Variants in WDFY3 observed in about 807,000 individuals in gnomAD.
The protein encoded by WDFY3 is WD repeat and FYVE domain-containing protein 3.
WDFY3 carries 66 observed loss-of-function variants against 409.6 expected under a neutral mutation model. The ratio of observed to expected loss-of-function variants is 0.16; its 90% CI spans 0.13 to 0.20. WDFY3 has a LOEUF of 0.20. Ranked by LOEUF, WDFY3 falls within the 10% of genes least tolerant of loss-of-function variation. The pLI, the probability that WDFY3 is intolerant of heterozygous loss-of-function variation, is 1.00. For missense variants in WDFY3, 3,031 were observed against 4,298.1 expected, an observed-to-expected ratio of 0.71 and a Z score of 8.24; for synonymous variants, 1,521 against 1,537.1, an observed-to-expected ratio of 0.99 and a Z score of 0.25.
At chr4:84,801,600 G>A in intron 17 of WDFY3, 50 bp downstream of exon 17, 1 of 1,544,442 alleles carries the variant, frequency 6.5e-7, no homozygotes, top group East Asian at 2.3e-5. Flanking sequence ...AAGGACTCTA[G>A]AAACTGACAT....
intron 1 of WDFY3, among the ~76,000 whole-genome samples, chr4:84,952,535 C>T (rs1377073919): frequency 1.3e-5 from 2 of 152,020 alleles, no homozygotes; most frequent in Non-Finnish European, 2.9e-5. Context: ...CTTTTTCTTG[C>T]TTTCCTCTCA....
chr4:84,906,303 G>A (rs1017642853), intron 2 of WDFY3, among the ~76,000 whole-genome samples: 36 of 152,072 alleles, frequency 2.4e-4, no homozygotes, highest in African/African-American at 8.7e-4. Flanking sequence ...AAAGACCTAT[G>A]ACAAACCTCA....
intron 2 of WDFY3, among the ~76,000 whole-genome samples, chr4:84,905,824 C>T (rs1288809881): frequency 6.6e-6 from 1 of 152,206 alleles, no homozygotes; most frequent in Non-Finnish European, 1.5e-5. Flanking sequence ...ATTCCTCATA[C>T]ACCAACTGTT....
At chr4:84,714,947 C>T (rs1733594376) in intron 50 of WDFY3, among the ~76,000 whole-genome samples, 2 of 136,140 alleles carry the variant, frequency 1.5e-5, no homozygotes, top group Middle Eastern at 3.9e-3. Flanking sequence ...GAGACTCCGT[C>T]TCAAAAAAAA....
At chr4:84,725,284 A>C (rs916681744) in intron 45 of WDFY3, among the ~76,000 whole-genome samples, 2 of 152,170 alleles carry the variant, frequency 1.3e-5, no homozygotes, top group African/African-American at 4.8e-5. Flanking sequence ...ATCCATAACT[A>C]ACTCAACTAA....
At chr4:84,748,944 T>C (rs1166182691) in intron 36 of WDFY3, among the ~76,000 whole-genome samples, 1 of 151,928 alleles carries the variant, frequency 6.6e-6, no homozygotes, top group Admixed American at 6.6e-5. Flanking sequence ...TGCATTGGAA[T>C]GCAGTGGTGT....
chr4:84,854,808 C>T (rs1001838273), intron 4 of WDFY3, among the ~76,000 whole-genome samples: 1 of 152,154 alleles, frequency 6.6e-6, no homozygotes, highest in African/African-American at 2.4e-5. Flanking sequence ...ACTTGGGAGG[C>T]TGAGGCATAA....
chr4:84,706,664 G>C (rs555111371), intron 53 of WDFY3, among the ~76,000 whole-genome samples: 1 of 152,212 alleles, frequency 6.6e-6, no homozygotes, highest in South Asian at 2.1e-4. Context: ...GCTGGTACTT[G>C]AGTGCCTCCT....
chr4:84,882,173 G>C (rs1373435713), intron 3 of WDFY3, among the ~76,000 whole-genome samples: 2 of 152,048 alleles, frequency 1.3e-5, no homozygotes, highest in Admixed American at 1.3e-4. Flanking sequence ...AACAAGCACT[G>C]AGTATCCACA....
At chr4:84,813,643 G>A (rs1203470241) in intron 13 of WDFY3, among the ~76,000 whole-genome samples, 1 of 152,056 alleles carries the variant, frequency 6.6e-6, no homozygotes, top group Non-Finnish European at 1.5e-5. Context: ...CTTCCAGCCT[G>A]AGAATCAGTT....
intron 48 of WDFY3, among the ~76,000 whole-genome samples, chr4:84,717,911 G>A (rs1734207303): frequency 6.6e-6 from 1 of 151,792 alleles, no homozygotes; most frequent in African/African-American, 2.4e-5. Context: ...AGCCTGGCGT[G>A]GTGGCGGGCG....
intron 35 of WDFY3, among the ~76,000 whole-genome samples, chr4:84,752,151 TA>T (rs77809291): frequency 7.4e-5 from 11 of 148,878 alleles, no homozygotes; most frequent in South Asian, 2.1e-4. Flanking sequence ...CAAATAAATT[TA>T]AAAAAAAAAC....
intron 47 of WDFY3, among the ~76,000 whole-genome samples, chr4:84,720,035 G>A (rs1734587414): frequency 6.6e-6 from 1 of 152,156 alleles, no homozygotes; most frequent in Non-Finnish European, 1.5e-5. Flanking sequence ...TGATATTCAT[G>A]ACACATTCAA....
chr4:84,947,904 A>C (rs1215347985), intron 1 of WDFY3, among the ~76,000 whole-genome samples: 1 of 151,990 alleles, frequency 6.6e-6, no homozygotes, highest in Non-Finnish European at 1.5e-5. Context: ...ATAAATAAAT[A>C]AATAAATAAA....
chr4:84,768,905 A>G (rs1301202068), intron 30 of WDFY3, among the ~76,000 whole-genome samples: 4 of 152,246 alleles, frequency 2.6e-5, no homozygotes, highest in Non-Finnish European at 5.9e-5. Flanking sequence ...TTTAGACGCC[A>G]TTAAGAATAT....
chr4:84,876,392 A>ACGT (rs899513532), intron 3 of WDFY3, among the ~76,000 whole-genome samples: 2 of 152,224 alleles, frequency 1.3e-5, no homozygotes, highest in African/African-American at 2.4e-5. Context: ...CAAGTCAGAT[A>ACGT]CGTTCTGTGT....
At chr4:84,708,481 G>A (rs895638693) in intron 53 of WDFY3, among the ~76,000 whole-genome samples, 3 of 151,858 alleles carry the variant, frequency 2.0e-5, no homozygotes, top group Non-Finnish European at 4.4e-5. Flanking sequence ...AAGTGCCTTT[G>A]CCTATTGAGA....
intron 40 of WDFY3, among the ~76,000 whole-genome samples, chr4:84,737,965 T>C (rs892805148): frequency 1.3e-5 from 2 of 152,156 alleles, no homozygotes; most frequent in African/African-American, 4.8e-5. Context: ...TCCCAAATGA[T>C]ATTGATGTTG....
At chr4:84,912,144 A>G (rs1253160687) in intron 2 of WDFY3, among the ~76,000 whole-genome samples, 1 of 152,190 alleles carries the variant, frequency 6.6e-6, no homozygotes, top group Non-Finnish European at 1.5e-5. Context: ...AACCTTGACT[A>G]ACACCGTGGA....
Sources: allele counts gnomAD v4.1 joint callset (sites outside exome capture counted in the v4.1 genomes callset), GRCh38; gene constraint gnomAD v4.1.1; transcripts MANE v1.5; gene names NCBI Gene and HGNC (gene_info 2026-07-23, HGNC 2026-07-21).